Variants in IFT88 observed in about 807,000 individuals in gnomAD.
The protein encoded by IFT88 is intraflagellar transport 88, also known as intraflagellar transport protein 88 homolog.
In IFT88, 74 loss-of-function variants were observed where a neutral mutation model predicts 119.5. The observed-to-expected ratio is 0.62, with a 90% CI of 0.51 to 0.75. The LOEUF (loss-of-function observed/expected upper bound fraction) is 0.75, where lower values mean the gene tolerates loss of function less well. Ranked by LOEUF, IFT88 falls within the 30% of genes least tolerant of loss-of-function variation. The pLI is 0.00. For synonymous variants in IFT88, 279 were observed against 316.7 expected, an observed-to-expected ratio of 0.88 and a Z score of 1.26; for missense variants, 961 against 977.7, an observed-to-expected ratio of 0.98 and a Z score of 0.23.
At chr13:20,591,499 T>C (rs149777185) in intron 5 of IFT88, 119 bp from the exon 6 acceptor site, 4 of 620,628 alleles carry the variant, frequency 6.4e-6, no homozygotes, top group African/African-American at 3.9e-5. Context: ...AGTAAACGTA[T>C]AGTGATTGAA....
intron 1 of IFT88, 119 bp downstream of exon 1, chr13:20,567,375 G>C (rs1053214042): frequency 6.6e-6 from 1 of 152,308 alleles, no homozygotes; most frequent in Admixed American, 6.5e-5. Flanking sequence ...CGCCCCTGTC[G>C]GCCCCGGGGC....
At chr13:20,666,316 C>T (rs1395766376) in intron 23 of IFT88, among the ~76,000 whole-genome samples, 1 of 152,142 alleles carries the variant, frequency 6.6e-6, no homozygotes, top group Non-Finnish European at 1.5e-5. Context: ...AAAAATGATC[C>T]TGCACTTGGA....
chr13:20,646,622 C>G (rs1002919939), intron 20 of IFT88, among the ~76,000 whole-genome samples: 1 of 151,886 alleles, frequency 6.6e-6, no homozygotes, highest in African/African-American at 2.4e-5. Context: ...CCAGCCTACA[C>G]CAATAAAATC....
At chr13:20,638,898 C>T (rs2049433872) in intron 17 of IFT88, among the ~76,000 whole-genome samples, 1 of 152,322 alleles carries the variant, frequency 6.6e-6, no homozygotes, top group Non-Finnish European at 1.5e-5. Context: ...CAAACATGCA[C>T]AAAAGTACAC....
chr13:20,674,322 G>A (rs1044470999), intron 24 of IFT88, among the ~76,000 whole-genome samples: 1 of 152,182 alleles, frequency 6.6e-6, no homozygotes, highest in Non-Finnish European at 1.5e-5. Flanking sequence ...GTTGAATTTT[G>A]TTAAAGGTTG....
At chr13:20,651,466 T>G (rs2051680483) in intron 20 of IFT88, among the ~76,000 whole-genome samples, 1 of 147,770 alleles carries the variant, frequency 6.8e-6, no homozygotes, top group South Asian at 2.1e-4. Context: ...AGCCTCAGCT[T>G]TCAGTTTATG....
intron 13 of IFT88, chr13:20,607,994 C>A (rs1264569913): frequency 3.4e-6 from 2 of 586,082 alleles, no homozygotes. Flanking sequence ...TGGACCTGAG[C>A]AGCAAGGAAC....
intron 18 of IFT88, 56 bp from the exon 19 acceptor site, chr13:20,643,399 T>G: frequency 7.4e-7 from 1 of 1,346,392 alleles, no homozygotes; most frequent in South Asian, 1.3e-5. Context: ...TTTTTAAGTT[T>G]GCTTATTGCT....
At chr13:20,615,327 A>G (rs1218137251) in intron 13 of IFT88, among the ~76,000 whole-genome samples, 1 of 152,222 alleles carries the variant, frequency 6.6e-6, no homozygotes, top group African/African-American at 2.4e-5. Context: ...CACATTTTAT[A>G]TATGTACGTA....
chr13:20,640,764 C>T (rs2049809395), intron 17 of IFT88, among the ~76,000 whole-genome samples: 1 of 152,096 alleles, frequency 6.6e-6, no homozygotes, highest in Non-Finnish European at 1.5e-5. Context: ...TTCCTGCCCC[C>T]TACCACACTT....
chr13:20,656,121 T>TAAAAAAAAAAA (rs2052735925), intron 21 of IFT88, among the ~76,000 whole-genome samples: 1 of 2,374 alleles, frequency 4.2e-4, no homozygotes, highest in African/African-American at 1.1e-3. Flanking sequence ...CCTCGTCTCT[T>TAAAAAAAAAAA]TAAAAAAAAA....
At chr13:20,612,952 C>T (rs2044844855) in intron 13 of IFT88, among the ~76,000 whole-genome samples, 1 of 152,026 alleles carries the variant, frequency 6.6e-6, no homozygotes, top group African/African-American at 2.4e-5. Flanking sequence ...CTAAAATGAA[C>T]TATAGACCTA....
intron 24 of IFT88, among the ~76,000 whole-genome samples, chr13:20,690,133 A>G (rs1194023217): frequency 6.6e-6 from 1 of 152,190 alleles, no homozygotes; most frequent in African/African-American, 2.4e-5. Context: ...ATATTCAAAA[A>G]CGAAATGGTC....
intron 23 of IFT88, among the ~76,000 whole-genome samples, chr13:20,668,136 G>A (rs117279393): frequency 0.012 from 1,883 of 152,292 alleles, 32 homozygotes; most frequent in Non-Finnish European, 0.014. Flanking sequence ...CACTCTTAAA[G>A]GGCAAGGTCA....
At chr13:20,627,410 A>G (rs190714459) in intron 15 of IFT88, among the ~76,000 whole-genome samples, 123 of 152,216 alleles carry the variant, frequency 8.1e-4, no homozygotes, top group Non-Finnish European at 1.2e-3. Context: ...TTCCTTTGAC[A>G]TTTTATTTTT....
chr13:20,568,948 C>T (rs2035591555), intron 1 of IFT88, among the ~76,000 whole-genome samples: 1 of 152,034 alleles, frequency 6.6e-6, no homozygotes, highest in South Asian at 2.1e-4. Flanking sequence ...TCTCGATCTC[C>T]TGACCTCGTG....
chr13:20,567,872 T>G (rs866742105), intron 1 of IFT88: 125 of 864,080 alleles, frequency 1.4e-4, no homozygotes, highest in African/African-American at 6.3e-4. Context: ...TTGTTTGTTT[T>G]TTTTTTTTCG....
At chr13:20,633,425 C>T (rs968411808) in intron 16 of IFT88, among the ~76,000 whole-genome samples, 13 of 152,184 alleles carry the variant, frequency 8.5e-5, no homozygotes, top group African/African-American at 3.1e-4. Flanking sequence ...GACAAGGTGC[C>T]TCTGTCTTCC....
chr13:20,662,262 CAGAA>C (rs2053940184), intron 22 of IFT88, among the ~76,000 whole-genome samples: 2 of 151,226 alleles, frequency 1.3e-5, no homozygotes, highest in African/African-American at 2.4e-5. Context: ...GACTAAAAAA[CAGAA>C]AGGAATAGCA....
Sources: gnomAD v4.1 joint callset for allele counts (sites outside exome capture counted in the v4.1 genomes callset) on GRCh38, gnomAD v4.1.1 for gene constraint, MANE v1.5 for transcripts, NCBI Gene and HGNC (gene_info 2026-07-23, HGNC 2026-07-21) for gene names.